The following ROCK2 variants were observed in gnomAD, a reference collection of about 807,000 sequenced individuals.
ROCK2 encodes Rho associated coiled-coil containing protein kinase 2.
Under a neutral mutation model 195.1 loss-of-function variants are expected in ROCK2, and 61 were observed. The ratio of observed to expected loss-of-function variants is 0.31; its 90% CI spans 0.25 to 0.39. The LOEUF (loss-of-function observed/expected upper bound fraction) is 0.39, where lower values mean the gene tolerates loss of function less well. Among genes scored for constraint, ROCK2 ranks in the 10% least tolerant of loss-of-function variants. The pLI is 1.00. For synonymous variants in ROCK2, 504 were observed against 545.5 expected, an observed-to-expected ratio of 0.92 and a Z score of 1.06; for missense variants, 1,109 against 1,637.4, an observed-to-expected ratio of 0.68 and a Z score of 5.57.
intron 1 of ROCK2, among the ~76,000 whole-genome samples, chr2:11,332,344 T>C (rs978294614): frequency 6.6e-6 from 1 of 152,188 alleles, no homozygotes; most frequent in Non-Finnish European, 1.5e-5. Context: ...TATTCTATTT[T>C]TGGAATTCCA....
chr2:11,190,348 G>A (rs1663371190), intron 32 of ROCK2, among the ~76,000 whole-genome samples: 1 of 136,922 alleles, frequency 7.3e-6, no homozygotes, highest in South Asian at 2.6e-4. Flanking sequence ...GATTCACAGG[G>A]CAAGGCCAGA....
At position 11,206,391 on chromosome 2, in the gene ROCK2, C is replaced by T. The variant is rs1214384417; in HGVS notation, c.2549+1335G>A. On this transcript the variant is annotated intron_variant, in intron 20 of 32. Coordinates refer to ENST00000315872, the MANE Select transcript of ROCK2 (RefSeq NM_004850.5). ...GATGATTAACTAGCTCTTACATCTGCATAAACACTATCGTTAGAATAAAAA... is the reference window on the plus strand; with the variant it reads ...GATGATTAACTAGCTCTTACATCTGTATAAACACTATCGTTAGAATAAAAA... Among the ~76,000 whole-genome samples the T allele has an allele frequency of 2.0e-5, 3 of 151,922 alleles. No homozygotes were observed. The East Asian group carries it at 5.8e-4, about 29-fold the overall frequency.
At chr2:11,285,248 G>A (rs1214617522) in intron 3 of ROCK2, among the ~76,000 whole-genome samples, 1 of 135,538 alleles carries the variant, frequency 7.4e-6, no homozygotes, top group Non-Finnish European at 1.6e-5. Flanking sequence ...GGCAACAAGA[G>A]TGAAACTCTG....
At chr2:11,288,692 T>C (rs573189921) in intron 1 of ROCK2, among the ~76,000 whole-genome samples, 2 of 140,160 alleles carry the variant, frequency 1.4e-5, no homozygotes, top group South Asian at 4.2e-4. Flanking sequence ...AGCTAGAGGA[T>C]TGCAGAAAAC....
intron 8 of ROCK2, among the ~76,000 whole-genome samples, chr2:11,221,806 T>C (rs567464907): frequency 4.8e-4 from 73 of 151,896 alleles, no homozygotes; most frequent in African/African-American, 1.4e-3. Flanking sequence ...ATTCCCTTGA[T>C]TCTGAAAATT....
intron 32 of ROCK2, among the ~76,000 whole-genome samples, chr2:11,188,179 C>T (rs530068758): frequency 1.1e-4 from 16 of 141,798 alleles, no homozygotes; most frequent in African/African-American, 3.0e-4. Context: ...GGTGCGATCT[C>T]GGCTTACTGC....
At chr2:11,343,887 G>C in intron 1 of ROCK2, 109 bp downstream of exon 1, 1 of 1,355,260 alleles carries the variant, frequency 7.4e-7, no homozygotes, top group Non-Finnish European at 9.8e-7. Context: ...AGGGCGGGGT[G>C]GGGCAAGACC....
chr2:11,314,680 T>G (rs535219971), intron 1 of ROCK2, among the ~76,000 whole-genome samples: 2 of 152,130 alleles, frequency 1.3e-5, no homozygotes, highest in Admixed American at 1.3e-4. Flanking sequence ...CACCCATGAT[T>G]CACTGTTTTG....
intron 3 of ROCK2, among the ~76,000 whole-genome samples, chr2:11,277,154 C>T (rs1019552427): frequency 9.2e-5 from 14 of 152,110 alleles, no homozygotes; most frequent in Admixed American, 2.6e-4. Context: ...TTACTATTAA[C>T]GAAGTCCAGA....
rs1553296899 is a variant in ROCK2, at chr2:11,198,883, C to CAT, written c.2911-110_2911-109insAT. The CAT allele has an allele frequency of 1.4e-5, 7 of 483,544 alleles. No individual in the cohort carries two copies. The Admixed American group carries it at 2.9e-4, about 20-fold the overall frequency. 30.0% of individuals were successfully genotyped at this position (483,544 alleles called of 1,614,324 possible). A position where few individuals can be genotyped will look rare whatever the true frequency, so the allele number is the denominator to read the frequency against. On this transcript the variant is annotated intron_variant, in intron 23 of 32. Coordinates refer to ENST00000315872, the MANE Select transcript of ROCK2 (RefSeq NM_004850.5). ...GAATATTGTTAAACCTCTTATTTTT[C>CAT]TTTTTTTTTTTTTTTTGAGACAGAG... is the stretch of plus-strand genomic sequence containing the variant.
At chr2:11,294,558 T>C (rs1486920789) in intron 1 of ROCK2, among the ~76,000 whole-genome samples, 1 of 152,148 alleles carries the variant, frequency 6.6e-6, no homozygotes, top group Non-Finnish European at 1.5e-5. Context: ...CTTAGAAGCA[T>C]TAAGGTTGGT....
chr2:11,303,578 T>C (rs758294207), intron 1 of ROCK2, among the ~76,000 whole-genome samples: 9 of 152,146 alleles, frequency 5.9e-5, no homozygotes, highest in African/African-American at 1.4e-4. Context: ...ATTACTGCCA[T>C]TGGCATGGAA....
At chr2:11,327,887 A>G (rs1668595702) in intron 1 of ROCK2, among the ~76,000 whole-genome samples, 1 of 152,208 alleles carries the variant, frequency 6.6e-6, no homozygotes, top group Non-Finnish European at 1.5e-5. Context: ...AAAGGGGCAT[A>G]TGTTACTTTT....
chr2:11,227,500 T>C (rs1664856816), intron 5 of ROCK2, 102 bp from the exon 6 acceptor site: 2 of 1,091,442 alleles, frequency 1.8e-6, no homozygotes, highest in African/African-American at 1.6e-5. Context: ...TGATTACATA[T>C]TGCTAACCAA....
chr2:11,219,770 A>T (rs1664564085), intron 9 of ROCK2, among the ~76,000 whole-genome samples: 1 of 151,862 alleles, frequency 6.6e-6, no homozygotes, highest in African/African-American at 2.4e-5. Context: ...ACTATTGAAC[A>T]GCTTTCAGTG....
intron 12 of ROCK2, 82 bp downstream of exon 12, chr2:11,217,008 C>A (rs1009662655): frequency 7.0e-5 from 49 of 703,264 alleles, no homozygotes; most frequent in Non-Finnish European, 1.5e-5. Flanking sequence ...AGGTGTGAGC[C>A]ACCACACCTG....
intron 5 of ROCK2, among the ~76,000 whole-genome samples, chr2:11,229,395 T>A (rs768055446): frequency 6.6e-5 from 10 of 151,944 alleles, no homozygotes; most frequent in Non-Finnish European, 1.3e-4. Flanking sequence ...GTGAGAAGGA[T>A]AAGTAAAAAA....
At chr2:11,185,600 G>C (rs1408069039) in intron 32 of ROCK2, among the ~76,000 whole-genome samples, 1 of 152,150 alleles carries the variant, frequency 6.6e-6, no homozygotes, top group Non-Finnish European at 1.5e-5. Flanking sequence ...ATGGTGGCAG[G>C]TGCCTGTAAT....
chr2:11,187,554 T>G (rs1663242144), intron 32 of ROCK2, among the ~76,000 whole-genome samples: 1 of 152,220 alleles, frequency 6.6e-6, no homozygotes, highest in South Asian at 2.1e-4. Context: ...AACAGCTATT[T>G]CCATAATAAT....
Sources: gnomAD v4.1 joint callset for allele counts (sites outside exome capture counted in the v4.1 genomes callset) on GRCh38, gnomAD v4.1.1 for gene constraint, MANE v1.5 for transcripts, NCBI Gene and HGNC (gene_info 2026-07-23, HGNC 2026-07-21) for gene names.